Variants in ANKRD29 observed in about 807,000 individuals in gnomAD.
ANKRD29 encodes the protein ankyrin repeat domain 29, also known as ankyrin repeat domain-containing protein 29.
Under a neutral mutation model 38.0 loss-of-function variants are expected in ANKRD29, and 32 were observed. That is an observed-to-expected ratio of 0.84 (90% CI 0.64 to 1.13). The LOEUF (loss-of-function observed/expected upper bound fraction) is 1.13. ANKRD29 is among the 50% of genes most tolerant of loss of function. ANKRD29 has a pLI of 0.00. For missense variants in ANKRD29, 357 were observed against 377.9 expected (o/e 0.94, Z 0.46); for synonymous variants, 135 against 152.4 (o/e 0.89, Z 0.84).
intron 4 of ANKRD29, among the ~76,000 whole-genome samples, chr18:23,636,354 G>A (rs965931753): frequency 1.3e-5 from 2 of 152,040 alleles, no homozygotes; most frequent in East Asian, 1.9e-4. Flanking sequence ...GGCCCAAGCC[G>A]GTCTAGAACT....
chr18:23,638,699 C>T, intron 4 of ANKRD29, 150 bp downstream of exon 4: 1 of 645,650 alleles, frequency 1.5e-6, no homozygotes, highest in Admixed American at 3.5e-5. Flanking sequence ...CCCTGAACCA[C>T]TACAAGTAAC....
intron 1 of ANKRD29, among the ~76,000 whole-genome samples, chr18:23,652,862 C>T (rs1231723647): frequency 6.6e-6 from 1 of 152,208 alleles, no homozygotes; most frequent in African/African-American, 2.4e-5. Flanking sequence ...CAATTTACTG[C>T]TTTAACTCAT....
intron 9 of ANKRD29, among the ~76,000 whole-genome samples, chr18:23,608,872 C>T (rs1335719409): frequency 6.6e-6 from 1 of 152,160 alleles, no homozygotes; most frequent in Non-Finnish European, 1.5e-5. Context: ...TGGCTCACGC[C>T]TGTAATCCCA....
intron 3 of ANKRD29, among the ~76,000 whole-genome samples, chr18:23,644,204 A>C (rs1206793722): frequency 1.3e-5 from 2 of 152,224 alleles, no homozygotes; most frequent in Non-Finnish European, 2.9e-5. Context: ...GAAACCATAG[A>C]CTGGCTAGAA....
intron 3 of ANKRD29, among the ~76,000 whole-genome samples, chr18:23,639,263 G>A (rs2060041837): frequency 1.3e-5 from 2 of 152,108 alleles, no homozygotes; most frequent in Non-Finnish European, 2.9e-5. Flanking sequence ...GGGTTATCTG[G>A]GTGGGCCCTA....
intron 1 of ANKRD29, among the ~76,000 whole-genome samples, chr18:23,661,092 A>G (rs1367762159): frequency 1.3e-5 from 2 of 152,220 alleles, no homozygotes; most frequent in Non-Finnish European, 2.9e-5. Context: ...GTGACAGCAC[A>G]TGCTTCTGAG....
At chr18:23,606,630 C>T (rs2059578379) in intron 9 of ANKRD29, among the ~76,000 whole-genome samples, 2 of 152,148 alleles carry the variant, frequency 1.3e-5, no homozygotes, top group South Asian at 4.2e-4. Context: ...CTTCTTAGAC[C>T]CCCTGTATGG....
At chr18:23,616,126 A>ATGTATGTATGTATACTCTACACATAC (rs879539768) in intron 8 of ANKRD29, among the ~76,000 whole-genome samples, 10,894 of 116,580 alleles carry the variant, frequency 0.093, 1,259 homozygotes, top group East Asian at 0.32. Flanking sequence ...CACATACCGT[A>ATGTATGTATGTATACTCTACACATAC]TGTATGTATG....
chr18:23,625,682 A>C (rs930258886), intron 6 of ANKRD29, among the ~76,000 whole-genome samples: 1 of 152,166 alleles, frequency 6.6e-6, no homozygotes, highest in African/African-American at 2.4e-5. Flanking sequence ...GGATTATTTT[A>C]TTTAATTATC....
chr18:23,654,440 T>C (rs555961434), intron 1 of ANKRD29, among the ~76,000 whole-genome samples: 5 of 151,674 alleles, frequency 3.3e-5, no homozygotes, highest in Admixed American at 6.6e-5. Flanking sequence ...GCCAACAACG[T>C]GAAACCCTGT....
At chr18:23,631,394 C>G (rs1253927821) in intron 5 of ANKRD29, among the ~76,000 whole-genome samples, 1 of 151,540 alleles carries the variant, frequency 6.6e-6, no homozygotes, top group Non-Finnish European at 1.5e-5. Flanking sequence ...GCGTGCATCA[C>G]CACATCCAGT....
chr18:23,601,304 A>G lies in ANKRD29; in HGVS notation c.828T>C (p.Asn276=), dbSNP rs2059508901. ...GADPSLRNKA[N]ELPAELTKNE... Reference sequence around the variant, plus strand: ...TTTTGGTTAGTTCTGCCGGAAGTTCATTGGCCTGAAAGAAGAGAAGATGGG... The same window carrying G: ...TTTTGGTTAGTTCTGCCGGAAGTTCGTTGGCCTGAAAGAAGAGAAGATGGG... Residue 276 remains asparagine (N), a synonymous_variant, in exon 10 of 10, where the codon AAT becomes AAC. Coordinates refer to ENST00000592179, the MANE Select transcript of ANKRD29 (RefSeq NM_173505.4). The G allele has an allele frequency of 1.2e-6, 2 of 1,613,986 alleles. No individual in the cohort carries two copies. The highest frequency in any genetic ancestry group is 1.7e-6 in the Non-Finnish European group (2 of 1,179,932).
chr18:23,649,080 T>C lies in ANKRD29; in HGVS notation c.132+3A>G. 6.2e-7 allele frequency: 1 copy of C among 1,613,792 alleles called. No homozygotes were observed. The highest frequency in any genetic ancestry group is 1.7e-4 in the Middle Eastern group (1 of 6,058). On this transcript the variant is annotated splice_donor_region_variant and intron_variant, in intron 2 of 9. Transcript: ENST00000592179. ...TGGGCATGCATCTACCGAACCACCGTACGCTGTCTCTGCAGTCCACGTCCA... is the reference window on the plus strand; with the variant it reads ...TGGGCATGCATCTACCGAACCACCGCACGCTGTCTCTGCAGTCCACGTCCA...
At chr18:23,613,423 C>T (rs2059669647) in intron 8 of ANKRD29, among the ~76,000 whole-genome samples, 1 of 151,912 alleles carries the variant, frequency 6.6e-6, no homozygotes, top group Non-Finnish European at 1.5e-5. Context: ...TTGCCCACCT[C>T]AGCCTCCCAA....
At position 23,600,196 on chromosome 18, in the gene ANKRD29, A is replaced by T. The variant is rs1014527673; in HGVS notation, c.*1030T>A. 8 of 152,596 alleles carry T rather than the reference A, an allele frequency of 5.2e-5. No individual in the cohort carries two copies. Among genetic ancestry groups the T allele is most frequent in the African/African-American group, 1.7e-4 (7 of 41,476 alleles). The allele number at this position is 152,596 out of a possible 1,614,324, so 9.5% of individuals were successfully genotyped here. A position where few individuals can be genotyped will look rare whatever the true frequency, so the allele number is the denominator to read the frequency against. On this transcript the variant is annotated 3_prime_UTR_variant, in exon 10 of 10. Transcript: ENST00000592179. ...ATAAACCTCATATTTCATTCTTGGAATCAGTCAACTCAAAAACATGCATAG... is the reference window on the plus strand; with the variant it reads ...ATAAACCTCATATTTCATTCTTGGATTCAGTCAACTCAAAAACATGCATAG...
Position 23,662,760 on chromosome 18 carries a change from C to G in ANKRD29, c.-30G>C, listed in dbSNP as rs756459870. ...GCGGCCGCCCGAGCGGGAGCCGGCGCGCTTTGGGCCCGGGGCGCCTTGTCC... is the reference window on the plus strand; with the variant it reads ...GCGGCCGCCCGAGCGGGAGCCGGCGGGCTTTGGGCCCGGGGCGCCTTGTCC... On this transcript the variant is annotated 5_prime_UTR_variant, in exon 1 of 10. Coordinates refer to ENST00000592179, the MANE Select transcript of ANKRD29 (RefSeq NM_173505.4). 1 of 1,455,624 alleles carries G rather than the reference C, an allele frequency of 6.9e-7. No individual in the cohort carries two copies. Among genetic ancestry groups the G allele is most frequent in the Non-Finnish European group, 9.0e-7 (1 of 1,107,244 alleles). The allele number at this position is 1,455,624 out of a possible 1,614,324, so 90.2% of individuals were successfully genotyped here. A position where few individuals can be genotyped will look rare whatever the true frequency, so the allele number is the denominator to read the frequency against.
intron 9 of ANKRD29, among the ~76,000 whole-genome samples, chr18:23,605,746 C>G (rs1474056798): frequency 6.6e-6 from 1 of 151,672 alleles, no homozygotes; most frequent in Non-Finnish European, 1.5e-5. Context: ...AGGCTAGTCT[C>G]GAACTCCTGA....
Position 23,624,466 on chromosome 18 carries a change from C to CAAAAA in ANKRD29, c.529-4842_529-4838dup, listed in dbSNP as rs56005663. On this transcript the variant is annotated intron_variant, in intron 6 of 9. Coordinates refer to ENST00000592179, the MANE Select transcript of ANKRD29 (RefSeq NM_173505.4). ...TGGGCGACAGAGTGAGACTCCATCT[C>CAAAAA]AAAAAAAAAAAAAAAAAAAAAAAAA... is the stretch of plus-strand genomic sequence containing the variant. 8.3e-3 allele frequency among the ~76,000 whole-genome samples: 268 copies of CAAAAA among 32,438 alleles called. 24 individuals are homozygous for CAAAAA. The highest frequency in any genetic ancestry group is 0.021 in the African/African-American group (251 of 11,900). The allele number at this position is 32,438 out of a possible 152,430, so 21.3% of individuals were successfully genotyped here.
chr18:23,627,325 G>A (rs2059874262), intron 6 of ANKRD29, among the ~76,000 whole-genome samples: 1 of 152,104 alleles, frequency 6.6e-6, no homozygotes. Context: ...AATTCTTTTA[G>A]GGCTGAACTC....
Sources: gnomAD v4.1 joint callset for allele counts (sites outside exome capture counted in the v4.1 genomes callset) on GRCh38, gnomAD v4.1.1 for gene constraint, MANE v1.5 for transcripts, NCBI Gene and HGNC (gene_info 2026-07-23, HGNC 2026-07-21) for gene names.